ARHGAP32: variants seen among roughly 807,000 people sequenced by gnomAD.
The protein encoded by ARHGAP32 is rho GTPase-activating protein 32.
ARHGAP32 carries 51 observed loss-of-function variants against 186.5 expected under a neutral mutation model. The observed-to-expected ratio is 0.27, with a 90% CI of 0.22 to 0.35. The LOEUF (loss-of-function observed/expected upper bound fraction) is 0.35. Ranked by LOEUF, ARHGAP32 falls within the 10% of genes least tolerant of loss-of-function variation. The pLI, the probability that ARHGAP32 is intolerant of heterozygous loss-of-function variation, is 1.00. For synonymous variants in ARHGAP32, 950 were observed against 964.3 expected, an observed-to-expected ratio of 0.99 and a Z score of 0.27; for missense variants, 2,186 against 2,623.5, an observed-to-expected ratio of 0.83 and a Z score of 3.64.
At chr11:129,125,600 A>G (rs1378682617) in intron 2 of ARHGAP32, among the ~76,000 whole-genome samples, 1 of 152,104 alleles carries the variant, frequency 6.6e-6, no homozygotes, top group Non-Finnish European at 1.5e-5. Flanking sequence ...ATAAGCAGTT[A>G]AAGTAAGTTG....
At chr11:129,018,520 T>C (rs954808960) in intron 11 of ARHGAP32, among the ~76,000 whole-genome samples, 4 of 152,210 alleles carry the variant, frequency 2.6e-5, no homozygotes, top group Admixed American at 6.5e-5. Flanking sequence ...ACTAAACTTA[T>C]CTTTAGCAAG....
intron 13 of ARHGAP32, among the ~76,000 whole-genome samples, chr11:128,987,238 C>A (rs939293245): frequency 6.6e-6 from 1 of 152,146 alleles, no homozygotes; most frequent in Admixed American, 6.5e-5. Context: ...GCAGAGTAAG[C>A]TCACTCTCCA....
At chr11:129,108,771 G>C (rs1591621929) in intron 5 of ARHGAP32, among the ~76,000 whole-genome samples, 1 of 152,066 alleles carries the variant, frequency 6.6e-6, no homozygotes, top group Admixed American at 6.6e-5. Flanking sequence ...TAGTGTCTTT[G>C]AATGCACAAT....
At chr11:128,994,199 G>A (rs762751742) in intron 12 of ARHGAP32, among the ~76,000 whole-genome samples, 1 of 151,064 alleles carries the variant, frequency 6.6e-6, no homozygotes, top group African/African-American at 2.4e-5. Flanking sequence ...TTGTTGCCCA[G>A]ACTGGAGTGC....
At chr11:129,234,959 T>C (rs931344584) in intron 1 of ARHGAP32, among the ~76,000 whole-genome samples, 9 of 152,126 alleles carry the variant, frequency 5.9e-5, no homozygotes, top group Non-Finnish European at 1.2e-4. Context: ...TATATCCACA[T>C]CCTAATACCT....
At chr11:129,141,277 C>A (rs1943046430) in intron 2 of ARHGAP32, among the ~76,000 whole-genome samples, 1 of 151,064 alleles carries the variant, frequency 6.6e-6, no homozygotes, top group Non-Finnish European at 1.5e-5. Flanking sequence ...TGTTAAAAAA[C>A]TCTCAGCATT....
chr11:129,027,484 C>A (rs1938910754), intron 11 of ARHGAP32, among the ~76,000 whole-genome samples: 1 of 152,190 alleles, frequency 6.6e-6, no homozygotes, highest in African/African-American at 2.4e-5. Flanking sequence ...TATGTCTTCA[C>A]CCACTGCTCT....
intron 6 of ARHGAP32, among the ~76,000 whole-genome samples, chr11:129,075,614 TAAGAA>T (rs71472086): frequency 0.19 from 28,192 of 151,792 alleles, 2,738 homozygotes; most frequent in Non-Finnish European, 0.21. Context: ...AGAAAATCAA[TAAGAA>T]AATAGTTGAC....
chr11:128,976,153 G>C (rs1359163587), intron 20 of ARHGAP32, among the ~76,000 whole-genome samples: 1 of 151,210 alleles, frequency 6.6e-6, no homozygotes, highest in Non-Finnish European at 1.5e-5. Flanking sequence ...AATATCTTCT[G>C]CTTAACACTA....
chr11:129,078,489 C>T (rs1340701735), intron 6 of ARHGAP32, among the ~76,000 whole-genome samples: 1 of 152,028 alleles, frequency 6.6e-6, no homozygotes, highest in African/African-American at 2.4e-5. Context: ...ATTCAGAAGG[C>T]TAATTATTTA....
In ARHGAP32 at chr11:129,043,474, C is replaced by A. The variant is rs763881095; in HGVS notation, c.964-2465G>T. On this transcript the variant is annotated intron_variant, in intron 10 of 22. Coordinates refer to ENST00000682385, the MANE Select transcript of ARHGAP32 (RefSeq NM_001378024.1). ...CGACCTCGGCTCACTGTAACCTCCGCCTCCCAGGTTCAAACGATTCTCCTG... is the reference window on the plus strand; with the variant it reads ...CGACCTCGGCTCACTGTAACCTCCGACTCCCAGGTTCAAACGATTCTCCTG... 8.0e-5 allele frequency among the ~76,000 whole-genome samples: 12 copies of A among 150,870 alleles called. No homozygotes were observed. The South Asian group carries it at 1.7e-3, about 21-fold the overall frequency.
At chr11:129,159,704 G>A (rs1376279574) in intron 2 of ARHGAP32, among the ~76,000 whole-genome samples, 11 of 151,944 alleles carry the variant, frequency 7.2e-5, no homozygotes, top group Admixed American at 3.9e-4. Context: ...AGAGGGACTC[G>A]TCCCTAACTC....
intron 2 of ARHGAP32, among the ~76,000 whole-genome samples, chr11:129,159,307 C>T (rs542061807): frequency 6.6e-6 from 1 of 151,752 alleles, no homozygotes; most frequent in Admixed American, 6.6e-5. Flanking sequence ...GACTGCTAGC[C>T]AGATTAATGA....
At chr11:129,003,018 G>A (rs906957089) in intron 11 of ARHGAP32, among the ~76,000 whole-genome samples, 26 of 152,056 alleles carry the variant, frequency 1.7e-4, no homozygotes, top group African/African-American at 6.0e-4. Context: ...CCTTGGTCTC[G>A]ATCTCCTGAC....
chr11:129,210,728 C>T (rs1170741820), intron 1 of ARHGAP32, among the ~76,000 whole-genome samples: 1 of 152,158 alleles, frequency 6.6e-6, no homozygotes, highest in African/African-American at 2.4e-5. Flanking sequence ...AACTATTTCC[C>T]GAAATGATCA....
At chr11:129,010,488 T>A (rs1009262050) in intron 11 of ARHGAP32, among the ~76,000 whole-genome samples, 12 of 152,088 alleles carry the variant, frequency 7.9e-5, no homozygotes, top group African/African-American at 2.9e-4. Context: ...AAGGAAGGGG[T>A]CTAGTTTCAA....
At chr11:129,068,332 G>A (rs1214524347) in intron 6 of ARHGAP32, among the ~76,000 whole-genome samples, 1 of 152,008 alleles carries the variant, frequency 6.6e-6, no homozygotes, top group Non-Finnish European at 1.5e-5. Flanking sequence ...TCATGATTCT[G>A]TAAGTGCTGT....
chr11:129,015,682 T>G (rs780464130), intron 11 of ARHGAP32, among the ~76,000 whole-genome samples: 32 of 152,220 alleles, frequency 2.1e-4, no homozygotes, highest in Middle Eastern at 3.2e-3. Flanking sequence ...AATGGAATCA[T>G]CTGATATCAA....
intron 17 of ARHGAP32, 110 bp from the exon 18 acceptor site, chr11:128,980,858 C>G: frequency 9.4e-6 from 8 of 849,866 alleles, no homozygotes; most frequent in Non-Finnish European, 1.4e-5. Flanking sequence ...AAATTTTCTT[C>G]AAGTATGTTA....
Sources: gnomAD v4.1 joint callset for allele counts (sites outside exome capture counted in the v4.1 genomes callset) on GRCh38, gnomAD v4.1.1 for gene constraint, MANE v1.5 for transcripts, NCBI Gene and HGNC (gene_info 2026-07-23, HGNC 2026-07-21) for gene names.